The following JAK1 variants were observed in gnomAD, a reference collection of about 807,000 sequenced individuals.
JAK1 encodes the protein Janus kinase 1.
Under a neutral mutation model 136.6 loss-of-function variants are expected in JAK1, and 16 were observed. The observed-to-expected ratio is 0.12, with a 90% CI of 0.08 to 0.18. The LOEUF (loss-of-function observed/expected upper bound fraction) is 0.18, where lower values mean the gene tolerates loss of function less well. Ranked by LOEUF, JAK1 falls within the 10% of genes least tolerant of loss-of-function variation. The pLI is 1.00. For missense variants in JAK1, 859 were observed against 1,450.1 expected (o/e 0.59, Z 6.62); for synonymous variants, 492 against 519.5 (o/e 0.95, Z 0.72).
At chr1:64,845,840 G>T (rs141936597) in intron 14 of JAK1, among the ~76,000 whole-genome samples, 200 bp from the exon 15 acceptor site, 1 of 152,160 alleles carries the variant, frequency 6.6e-6, no homozygotes, top group African/African-American at 2.4e-5. Context: ...CGGTGGCACT[G>T]AGCAAGTGAC....
chr1:64,912,406 G>C (rs551364311), intron 1 of JAK1, among the ~76,000 whole-genome samples: 6 of 152,304 alleles, frequency 3.9e-5, no homozygotes, highest in African/African-American at 1.4e-4. Context: ...GTAGCATCCT[G>C]CATTGACAGG....
Position 65,028,008 on chromosome 1 carries a change from G to T in JAK1, c.-78+16472C>A, listed in dbSNP as rs546977220. On this transcript the variant is annotated intron_variant, in intron 2 of 25. Coordinates refer to the JAK1 transcript ENST00000671954. ...GCTCTTACCTATAATCAAGCTCACA[G>T]AAGGGAAGTAGAGTGTTTTTGTGCT... 6.6e-5 allele frequency among the ~76,000 whole-genome samples: 10 copies of T among 152,320 alleles called. No individual in the cohort carries two copies. The East Asian group carries it at 1.2e-3, about 18-fold the overall frequency.
At chr1:64,966,831 A>G (rs1646394431), upstream of JAK1, among the ~76,000 whole-genome samples, 1 of 151,776 alleles carries the variant, frequency 6.6e-6, no homozygotes, top group Admixed American at 6.6e-5. Context: ...AATTGCCAGG[A>G]TTCGCCCGTA....
intron 1 of JAK1, among the ~76,000 whole-genome samples, chr1:64,953,861 G>C (rs1646135636): frequency 6.6e-6 from 1 of 152,110 alleles, no homozygotes; most frequent in Non-Finnish European, 1.5e-5. Context: ...TTTTAGAAGA[G>C]ATGGGGTTTC....
chr1:64,857,803 G>C, intron 9 of JAK1, 24 bp from the exon 10 acceptor site: 1 of 1,613,678 alleles, frequency 6.2e-7, no homozygotes, highest in Non-Finnish European at 8.5e-7. Flanking sequence ...TAGGCAAAGG[G>C]AGAAAGAGCT....
chr1:64,838,833 A>G (rs1654662565), intron 20 of JAK1, among the ~76,000 whole-genome samples: 1 of 152,210 alleles, frequency 6.6e-6, no homozygotes, highest in Non-Finnish European at 1.5e-5. Flanking sequence ...TCTGTAAACC[A>G]CAGGCAAATG....
At chr1:64,857,392 TC>T (rs990805678) in intron 10 of JAK1, among the ~76,000 whole-genome samples, 12 of 152,284 alleles carry the variant, frequency 7.9e-5, no homozygotes, top group African/African-American at 2.9e-4. Flanking sequence ...TGTTCTGTCT[TC>T]CAGAGCCATG....
At chr1:64,860,607 T>C (rs310223) in intron 8 of JAK1, among the ~76,000 whole-genome samples, 60,793 of 151,426 alleles carry the variant, frequency 0.4, 13,364 homozygotes, top group African/African-American at 0.59. Flanking sequence ...GCACCTGCCA[T>C]CACACCTGGC....
At chr1:64,989,510 C>G (rs1333331550) in intron 2 of JAK1, 1 of 152,036 alleles carries the variant, frequency 6.6e-6, no homozygotes, top group Non-Finnish European at 1.5e-5. Context: ...GGGAGCAAAG[C>G]AGACCTTATT....
intron 2 of JAK1, among the ~76,000 whole-genome samples, chr1:65,018,925 G>A (rs981955684): frequency 3.3e-5 from 5 of 152,054 alleles, no homozygotes; most frequent in African/African-American, 1.2e-4. Context: ...GCAGGAGAAC[G>A]GGGTGAACCC....
chr1:64,960,851 C>G (rs1646271180), intron 1 of JAK1, among the ~76,000 whole-genome samples: 2 of 152,174 alleles, frequency 1.3e-5, no homozygotes, highest in Admixed American at 1.3e-4. Flanking sequence ...ACAACTTGAC[C>G]TCTTCTTCAT....
chr1:64,948,983 T>C (rs1326104563), intron 1 of JAK1, among the ~76,000 whole-genome samples: 1 of 152,104 alleles, frequency 6.6e-6, no homozygotes, highest in Non-Finnish European at 1.5e-5. Flanking sequence ...GAGATCACAA[T>C]ATATTTAAGA....
At chr1:64,846,859 C>A in intron 13 of JAK1, 123 bp from the exon 14 acceptor site, 2 of 694,680 alleles carry the variant, frequency 2.9e-6, no homozygotes, top group South Asian at 3.3e-5. Context: ...ACCCCAGGCC[C>A]TGAACATCAA....
chr1:65,016,618 G>T (rs934908765), intron 2 of JAK1, among the ~76,000 whole-genome samples: 1 of 151,560 alleles, frequency 6.6e-6, no homozygotes, highest in African/African-American at 2.4e-5. Context: ...AAATAAATAG[G>T]CTGGGTGCAG....
upstream of JAK1, among the ~76,000 whole-genome samples, chr1:64,970,151 A>C (rs113780670): frequency 6.1e-5 from 9 of 148,244 alleles, no homozygotes; most frequent in African/African-American, 2.3e-4. Flanking sequence ...AAAAAAAAAA[A>C]AAAACGGCCG....
At chr1:64,879,306 G>C (rs1248530261) in intron 3 of JAK1, among the ~76,000 whole-genome samples, 158 bp from the exon 4 acceptor site, 1 of 152,116 alleles carries the variant, frequency 6.6e-6, no homozygotes, top group Non-Finnish European at 1.5e-5. Context: ...GACCAGGTTC[G>C]GTCAGGCTGT....
chr1:64,902,039 T>A (rs1645113174), intron 1 of JAK1, among the ~76,000 whole-genome samples: 1 of 152,162 alleles, frequency 6.6e-6, no homozygotes, highest in Admixed American at 6.5e-5. Context: ...ATGATGATAC[T>A]CCTTAATCTT....
chr1:64,939,092 G>T (rs529630073), intron 1 of JAK1, among the ~76,000 whole-genome samples: 17 of 152,270 alleles, frequency 1.1e-4, no homozygotes, highest in African/African-American at 3.9e-4. Context: ...CTTTTCATAG[G>T]AACTGTTGGA....
intron 11 of JAK1, among the ~76,000 whole-genome samples, chr1:64,854,562 C>G (rs931410260): frequency 1.4e-4 from 21 of 152,200 alleles, no homozygotes; most frequent in African/African-American, 4.8e-4. Flanking sequence ...TAAAATGAGA[C>G]AGTTGACTGT....
Sources: gnomAD v4.1 joint callset for allele counts (sites outside exome capture counted in the v4.1 genomes callset) on GRCh38, gnomAD v4.1.1 for gene constraint, MANE v1.5 for transcripts, NCBI Gene and HGNC (gene_info 2026-07-23, HGNC 2026-07-21) for gene names.